EXOC6: variants seen among roughly 807,000 people sequenced by gnomAD.
EXOC6 encodes the protein exocyst complex component 6, also known as SEC15-like 1.
In EXOC6, 60 loss-of-function variants were observed where a neutral mutation model predicts 112.5. The observed-to-expected ratio is 0.53, with a 90% CI of 0.43 to 0.66. The LOEUF is 0.66. EXOC6 is among the 30% of genes least tolerant of loss of function. The pLI, the probability that EXOC6 is intolerant of heterozygous loss-of-function variation, is 0.00. For synonymous variants in EXOC6, 295 were observed against 308.0 expected (o/e 0.96, Z 0.44); for missense variants, 855 against 957.1 (o/e 0.89, Z 1.41).
intron 20 of EXOC6, among the ~76,000 whole-genome samples, chr10:93,038,066 A>AAATT (rs1845597821): frequency 2.9e-5 from 3 of 102,704 alleles, no homozygotes; most frequent in African/African-American, 5.6e-5. Flanking sequence ...AAAAAAAAAA[A>AAATT]TTTTTCTCTA....
chr10:92,928,637 G>A (rs1244843770), intron 9 of EXOC6, among the ~76,000 whole-genome samples: 5 of 146,986 alleles, frequency 3.4e-5, no homozygotes, highest in African/African-American at 7.5e-5. Context: ...AGGAAAGATA[G>A]ACAGCGAATT....
At chr10:92,850,041 C>T (rs754970868) in intron 1 of EXOC6, among the ~76,000 whole-genome samples, 1 of 152,078 alleles carries the variant, frequency 6.6e-6, no homozygotes, top group Non-Finnish European at 1.5e-5. Flanking sequence ...AAACTGTATA[C>T]TTGGTAATGA....
chr10:92,914,176 T>A (rs1008445727), intron 6 of EXOC6, among the ~76,000 whole-genome samples: 27 of 152,138 alleles, frequency 1.8e-4, no homozygotes, highest in African/African-American at 6.5e-4. Flanking sequence ...TCGATTCTCA[T>A]AGGAGCGCAA....
intron 1 of EXOC6, among the ~76,000 whole-genome samples, chr10:92,871,793 G>A (rs1006745010): frequency 6.6e-6 from 1 of 152,104 alleles, no homozygotes; most frequent in Non-Finnish European, 1.5e-5. Flanking sequence ...GGGTGACAGA[G>A]TGAGATTCCG....
upstream of EXOC6, among the ~76,000 whole-genome samples, chr10:92,845,267 T>C (rs1167720641): frequency 6.6e-6 from 1 of 152,174 alleles, no homozygotes; most frequent in East Asian, 1.9e-4. Context: ...CATTCACTCC[T>C]TGGGGCTGGG....
chr10:92,952,223 A>C (rs375756832), intron 14 of EXOC6, 50 bp from the exon 15 acceptor site: 4 of 1,134,164 alleles, frequency 3.5e-6, no homozygotes, highest in Non-Finnish European at 5.2e-6. Context: ...AGTGATTAGC[A>C]TGTCTTTTTC....
At chr10:92,957,739 G>T (rs1409465268) in intron 17 of EXOC6, among the ~76,000 whole-genome samples, 1 of 152,116 alleles carries the variant, frequency 6.6e-6, no homozygotes, top group Non-Finnish European at 1.5e-5. Context: ...AGAGGAATTT[G>T]TCTCTAAATG....
chr10:92,949,007 T>C (rs1039269239), intron 14 of EXOC6, among the ~76,000 whole-genome samples: 4 of 152,214 alleles, frequency 2.6e-5, no homozygotes, highest in African/African-American at 9.6e-5. Context: ...AATCCATGTG[T>C]ATGTGCATAT....
chr10:93,030,933 A>G (rs895681127), intron 20 of EXOC6, among the ~76,000 whole-genome samples: 3 of 152,230 alleles, frequency 2.0e-5, no homozygotes, highest in African/African-American at 7.2e-5. Flanking sequence ...TTGCCAAAAT[A>G]AGAACCTTAA....
At chr10:92,958,455 T>C (rs944188321) in intron 17 of EXOC6, among the ~76,000 whole-genome samples, 6 of 152,218 alleles carry the variant, frequency 3.9e-5, no homozygotes, top group Non-Finnish European at 8.8e-5. Context: ...CTAGAAGAAA[T>C]GCACTTCTGA....
chr10:93,012,111 T>C (rs776676561), intron 19 of EXOC6, among the ~76,000 whole-genome samples: 37 of 152,180 alleles, frequency 2.4e-4, no homozygotes, highest in Admixed American at 7.2e-4. Flanking sequence ...AAGGTACATG[T>C]GCTCAAAGGA....
intron 1 of EXOC6, among the ~76,000 whole-genome samples, chr10:92,868,560 T>A (rs1304105876): frequency 6.6e-6 from 1 of 152,142 alleles, no homozygotes; most frequent in Non-Finnish European, 1.5e-5. Flanking sequence ...AAACAAACAA[T>A]AAATTTCTCT....
At position 93,050,053 on chromosome 10, in the gene EXOC6, T is replaced by A. The variant is rs557684501; in HGVS notation, c.2170-6871T>A. On this transcript the variant is annotated intron_variant, in intron 20 of 21. Coordinates refer to ENST00000260762, the MANE Select transcript of EXOC6 (RefSeq NM_019053.6). ...ATCTCAAAGCTGTTAAAAAAAAAAA[T>A]TTTAAAGTTATATAACAAGAAATAG... Among the ~76,000 whole-genome samples the A allele has an allele frequency of 1.2e-3, 190 of 152,094 alleles. 1 individual carries two copies. Among genetic ancestry groups the A allele is most frequent in the Non-Finnish European group, 1.7e-3 (113 of 67,978 alleles).
intron 1 of EXOC6, among the ~76,000 whole-genome samples, chr10:92,870,608 T>G (rs1848400146): frequency 6.6e-6 from 1 of 152,222 alleles, no homozygotes; most frequent in South Asian, 2.1e-4. Flanking sequence ...CTTTGCACAT[T>G]GGTACAGACT....
chr10:92,867,127 A>G (rs527473427), intron 1 of EXOC6, among the ~76,000 whole-genome samples: 45 of 152,260 alleles, frequency 3.0e-4, no homozygotes, highest in Non-Finnish European at 4.4e-4. Flanking sequence ...TCACAGAGAT[A>G]GAAAAACTCA....
chr10:92,910,383 CTG>C (rs939024432), intron 6 of EXOC6, among the ~76,000 whole-genome samples: 1 of 152,090 alleles, frequency 6.6e-6, no homozygotes, highest in Non-Finnish European at 1.5e-5. Flanking sequence ...AAGGCACAAA[CTG>C]TGTGATTCCA....
chr10:92,981,809 T>G (rs936289730), intron 18 of EXOC6, among the ~76,000 whole-genome samples: 1 of 152,152 alleles, frequency 6.6e-6, no homozygotes, highest in African/African-American at 2.4e-5. Context: ...AGTGGTATGA[T>G]GGACAATTTA....
chr10:93,012,975 T>G (rs1844327429), intron 19 of EXOC6, among the ~76,000 whole-genome samples: 2 of 151,644 alleles, frequency 1.3e-5, no homozygotes, highest in Admixed American at 1.3e-4. Context: ...GAGTTCGAGG[T>G]TGCAGTGAGT....
At chr10:93,023,364 G>A (rs768339866) in intron 20 of EXOC6, among the ~76,000 whole-genome samples, 33 of 152,248 alleles carry the variant, frequency 2.2e-4, no homozygotes, top group African/African-American at 5.1e-4. Flanking sequence ...ATAGATCATC[G>A]GGATTGCCCT....
Sources: gnomAD v4.1 joint callset for allele counts (sites outside exome capture counted in the v4.1 genomes callset) on GRCh38, gnomAD v4.1.1 for gene constraint, MANE v1.5 for transcripts, NCBI Gene and HGNC (gene_info 2026-07-23, HGNC 2026-07-21) for gene names.